INPP4B: variants seen among roughly 807,000 people sequenced by gnomAD.
The protein encoded by INPP4B is inositol polyphosphate-4-phosphatase type II B, also known as inositol polyphosphate 4-phosphatase type II.
In INPP4B, 55 loss-of-function variants were observed where a neutral mutation model predicts 122.5. The ratio of observed to expected loss-of-function variants is 0.45; its 90% CI spans 0.36 to 0.56. The LOEUF is 0.56. INPP4B is among the 20% of genes least tolerant of loss of function. The pLI is 0.00. For missense variants in INPP4B, 1,000 were observed against 1,097.7 expected, an observed-to-expected ratio of 0.91 and a Z score of 1.26; for synonymous variants, 403 against 388.7, an observed-to-expected ratio of 1.04 and a Z score of -0.43.
At chr4:142,448,221 T>G (rs553950809) in intron 3 of INPP4B, among the ~76,000 whole-genome samples, 1 of 150,482 alleles carries the variant, frequency 6.6e-6, no homozygotes, top group Non-Finnish European at 1.5e-5. Flanking sequence ...TGTCCAGGCA[T>G]GGAGTGCTGG....
chr4:142,248,144 CA>C (rs1729881100), intron 11 of INPP4B, among the ~76,000 whole-genome samples: 1 of 152,074 alleles, frequency 6.6e-6, no homozygotes, highest in South Asian at 2.1e-4. Flanking sequence ...TGACCACCCC[CA>C]TCCCAAGATC....
At chr4:142,805,564 G>A (rs908067017) in intron 1 of INPP4B, among the ~76,000 whole-genome samples, 1 of 152,162 alleles carries the variant, frequency 6.6e-6, no homozygotes, top group Non-Finnish European at 1.5e-5. Flanking sequence ...TGCCATCCCT[G>A]AGACAGCAAG....
At chr4:142,029,710 T>C (rs1738607192) in intron 25 of INPP4B, 15 of 989,598 alleles carry the variant, frequency 1.5e-5, no homozygotes, top group Middle Eastern at 1.0e-3. Flanking sequence ...TCTATGATAT[T>C]AGCACAGTGG....
At chr4:142,573,566 C>G (rs1733273744) in intron 2 of INPP4B, among the ~76,000 whole-genome samples, 2 of 152,000 alleles carry the variant, frequency 1.3e-5, no homozygotes, top group Admixed American at 1.3e-4. Context: ...TCTTACTGTG[C>G]TAAAAAAGAG....
At chr4:142,644,437 G>T (rs1243135193) in intron 2 of INPP4B, among the ~76,000 whole-genome samples, 2 of 152,020 alleles carry the variant, frequency 1.3e-5, no homozygotes, top group African/African-American at 4.8e-5. Flanking sequence ...AATTATATCA[G>T]GGGATAATGG....
intron 2 of INPP4B, among the ~76,000 whole-genome samples, chr4:142,641,848 C>CTAG (rs1580594154): frequency 6.6e-6 from 1 of 152,192 alleles, no homozygotes; most frequent in African/African-American, 2.4e-5. Flanking sequence ...ACCACACTGA[C>CTAG]TTCCACAATG....
At position 142,811,354 on chromosome 4, in the gene INPP4B, C is replaced by T. The variant is rs180703653; in HGVS notation, c.-254+34855G>A. ...GGGCCAAGTCAGTCTTCCTGGGCTC[C>T]AGCACTGAAGGGAATTGCTGACATC... On this transcript the variant is annotated intron_variant, in intron 1 of 25. Transcript: ENST00000262992. Among the ~76,000 whole-genome samples, 19 of 152,288 alleles carry T rather than the reference C, an allele frequency of 1.2e-4. No homozygotes were observed. The East Asian group carries it at 3.7e-3, about 29-fold the overall frequency.
chr4:142,134,658 A>C (rs1196567566), intron 18 of INPP4B, among the ~76,000 whole-genome samples: 1 of 152,010 alleles, frequency 6.6e-6, no homozygotes, highest in Non-Finnish European at 1.5e-5. Context: ...TTAGTTGGGC[A>C]TAGTGGCGCA....
At chr4:142,602,783 A>G (rs146184624) in intron 2 of INPP4B, among the ~76,000 whole-genome samples, 86 of 152,332 alleles carry the variant, frequency 5.6e-4, no homozygotes, top group African/African-American at 1.9e-3. Flanking sequence ...TAGTTCAACC[A>G]TTGTGGAAGA....
intron 23 of INPP4B, among the ~76,000 whole-genome samples, chr4:142,086,903 T>C (rs1013258982): frequency 1.3e-5 from 2 of 152,192 alleles, no homozygotes; most frequent in African/African-American, 4.8e-5. Flanking sequence ...GATATAACTT[T>C]CCTTTTTTTG....
At chr4:142,390,775 C>T (rs182100301) in intron 7 of INPP4B, among the ~76,000 whole-genome samples, 67 of 152,200 alleles carry the variant, frequency 4.4e-4, no homozygotes, top group Non-Finnish European at 1.0e-4. Flanking sequence ...CAGAAATAAC[C>T]AAATTGCCTT....
intron 1 of INPP4B, among the ~76,000 whole-genome samples, chr4:142,755,205 T>A (rs1489190358): frequency 6.6e-6 from 1 of 152,032 alleles, no homozygotes; most frequent in East Asian, 1.9e-4. Flanking sequence ...TTCATTCACC[T>A]AGAGTTTTCT....
At chr4:142,306,379 T>C (rs917926363) in intron 8 of INPP4B, among the ~76,000 whole-genome samples, 1 of 152,132 alleles carries the variant, frequency 6.6e-6, no homozygotes, top group Non-Finnish European at 1.5e-5. Flanking sequence ...GGAGTAAATA[T>C]GAAAATATCA....
At chr4:142,449,673 C>CT (rs1813718035) in intron 3 of INPP4B, among the ~76,000 whole-genome samples, 1 of 151,016 alleles carries the variant, frequency 6.6e-6, no homozygotes, top group African/African-American at 2.4e-5. Flanking sequence ...GCACTCCAGC[C>CT]TGGTGACAGA....
Position 142,712,823 on chromosome 4 carries a change from T to TC in INPP4B, c.-191+13015dup, listed in dbSNP as rs1763280314. On this transcript the variant is annotated intron_variant, in intron 2 of 25. Coordinates refer to ENST00000262992, the MANE Select transcript of INPP4B (RefSeq NM_001101669.3). The stretch of plus-strand genomic sequence containing the variant: ...TTCTCTCAACATCCCCACTTTATCC[T>TC]CATCTAATTTTCACAAAATTACAAT... Among the ~76,000 whole-genome samples, 4 of 152,340 alleles carry TC rather than the reference T, an allele frequency of 2.6e-5. 1 individual carries two copies. In the South Asian group the frequency reaches 8.3e-4, roughly 32 times the overall value.
chr4:142,036,323 G>T (rs1220449524), intron 25 of INPP4B, among the ~76,000 whole-genome samples: 2 of 152,038 alleles, frequency 1.3e-5, no homozygotes, highest in Non-Finnish European at 2.9e-5. Flanking sequence ...AAAAAGTATA[G>T]AATCATCTGT....
chr4:142,237,029 A>C (rs1306926845), intron 12 of INPP4B, among the ~76,000 whole-genome samples: 1 of 152,220 alleles, frequency 6.6e-6, no homozygotes, highest in Non-Finnish European at 1.5e-5. Context: ...GCAGAGAAAC[A>C]AATTGATTAG....
chr4:142,810,308 CA>C (rs2151119952), intron 1 of INPP4B, among the ~76,000 whole-genome samples: 1 of 152,076 alleles, frequency 6.6e-6, no homozygotes, highest in South Asian at 2.1e-4. Flanking sequence ...AATTTGTCAT[CA>C]AACATTCATC....
intron 7 of INPP4B, among the ~76,000 whole-genome samples, chr4:142,368,489 CACAAA>C (rs1303138277): frequency 2.0e-5 from 3 of 152,018 alleles, no homozygotes; most frequent in Non-Finnish European, 2.9e-5. Flanking sequence ...TGTAACCATT[CACAAA>C]ACAAAAGTTG....
Sources: gnomAD v4.1 joint callset for allele counts (sites outside exome capture counted in the v4.1 genomes callset) on GRCh38, gnomAD v4.1.1 for gene constraint, MANE v1.5 for transcripts, NCBI Gene and HGNC (gene_info 2026-07-23, HGNC 2026-07-21) for gene names.